The following TRPC5 variants were observed in gnomAD, a reference collection of about 807,000 sequenced individuals.
TRPC5 encodes short transient receptor potential channel 5.
TRPC5 carries 9 observed loss-of-function variants against 56.5 expected under a neutral mutation model. The observed-to-expected ratio is 0.16, with a 90% confidence interval of 0.10 to 0.28. TRPC5 has a LOEUF of 0.28. Ranked by LOEUF, TRPC5 falls within the 10% of genes least tolerant of loss-of-function variation. The probability of loss-of-function intolerance (pLI) is 1.00; values close to 1 mark genes in which losing one functional copy is unlikely to be tolerated. For synonymous variants in TRPC5, 282 were observed against 278.5 expected (o/e 1.01, Z -0.13); for missense variants, 469 against 748.9 (o/e 0.63, Z 4.36).
At chrX:111,813,667 A>G (rs1921777642) in intron 7 of TRPC5, among the ~76,000 whole-genome samples, 1 of 112,532 alleles carries the variant, frequency 8.9e-6, no homozygotes, top group Non-Finnish European at 1.9e-5. Flanking sequence ...CAAACACAGC[A>G]AAAGCAGAGC....
chrX:112,010,463 T>A (rs1363721662), intron 1 of TRPC5, among the ~76,000 whole-genome samples: 1 of 111,567 alleles, frequency 9.0e-6, no homozygotes, highest in African/African-American at 3.3e-5. Flanking sequence ...AACATCATAG[T>A]GTGTACTCAT....
intron 1 of TRPC5, among the ~76,000 whole-genome samples, chrX:112,026,132 A>C (rs1929406914): frequency 9.1e-6 from 1 of 110,021 alleles, no homozygotes; most frequent in Non-Finnish European, 1.9e-5. Context: ...CCTCCTTCCA[A>C]CTCTTGAAAC....
chrX:111,928,493 C>T (rs1284696024), intron 2 of TRPC5, among the ~76,000 whole-genome samples: 1 of 112,436 alleles, frequency 8.9e-6, no homozygotes, highest in Non-Finnish European at 1.9e-5. Flanking sequence ...TAATTTCTCT[C>T]TCTCTGATAT....
At chrX:112,049,532 A>T (rs778983355) in intron 1 of TRPC5, among the ~76,000 whole-genome samples, 2 of 106,705 alleles carry the variant, frequency 1.9e-5, no homozygotes, top group South Asian at 3.9e-4. Context: ...TTATATATTT[A>T]ATATATATAT....
At chrX:111,904,082 A>G (rs1449959402) in intron 3 of TRPC5, 2 of 112,107 alleles carry the variant, frequency 1.8e-5, no homozygotes, top group Non-Finnish European at 3.8e-5. Context: ...GCAGAGCATA[A>G]TAAGAGAGAA....
chrX:112,061,205 G>C (rs1159231193), intron 1 of TRPC5, among the ~76,000 whole-genome samples: 1 of 112,055 alleles, frequency 8.9e-6, no homozygotes, highest in Non-Finnish European at 1.9e-5. Flanking sequence ...GATCCATTTT[G>C]ATCAAATCTG....
chrX:111,792,562 G>A lies in TRPC5; in HGVS notation c.1897-10424C>T, dbSNP rs1035153723. Among the ~76,000 whole-genome samples the A allele has an allele frequency of 4.5e-5, 5 of 111,972 alleles. No individual in the cohort carries two copies. The Admixed American group carries it at 4.7e-4, about 11-fold the overall frequency. ...ATGCTGTATCCCCAAGAGAATACCTGGGAGAGGAATCCATGGTGTGGGAGC... is the reference window on the plus strand; with the variant it reads ...ATGCTGTATCCCCAAGAGAATACCTAGGAGAGGAATCCATGGTGTGGGAGC... On this transcript the variant is annotated intron_variant, in intron 7 of 10. Transcript: ENST00000262839.
At chrX:111,846,371 T>C (rs1253384645) in intron 6 of TRPC5, among the ~76,000 whole-genome samples, 1 of 111,770 alleles carries the variant, frequency 8.9e-6, no homozygotes, top group Non-Finnish European at 1.9e-5. Flanking sequence ...TGTTTTCTCT[T>C]GTCTATTTCC....
chrX:112,073,468 C>T (rs1213370885), intron 1 of TRPC5, among the ~76,000 whole-genome samples: 1 of 110,092 alleles, frequency 9.1e-6, no homozygotes, highest in Non-Finnish European at 1.9e-5. Flanking sequence ...CGGGGTTTCA[C>T]CATGTTGGTC....
intron 6 of TRPC5, among the ~76,000 whole-genome samples, chrX:111,837,038 T>C (rs1238104107): frequency 8.9e-6 from 1 of 112,735 alleles, no homozygotes; most frequent in Non-Finnish European, 1.9e-5. Flanking sequence ...CTTTTCAGCA[T>C]CACGCTGCTA....
At chrX:111,863,399 C>T (rs1160725885) in intron 3 of TRPC5, among the ~76,000 whole-genome samples, 18 of 111,683 alleles carry the variant, frequency 1.6e-4, no homozygotes, top group African/African-American at 4.9e-4. Flanking sequence ...AGTATGGGAG[C>T]TCAGTCCAAA....
intron 6 of TRPC5, among the ~76,000 whole-genome samples, chrX:111,842,515 A>G (rs905985642): frequency 2.7e-5 from 3 of 112,064 alleles, no homozygotes; most frequent in Non-Finnish European, 5.6e-5. Flanking sequence ...CTTCATGTGT[A>G]TCATTTTAAT....
At chrX:112,051,561 AT>A (rs1298509794) in intron 1 of TRPC5, among the ~76,000 whole-genome samples, 2 of 112,060 alleles carry the variant, frequency 1.8e-5, no homozygotes, top group South Asian at 7.4e-4. Flanking sequence ...GAAAAAAAAA[AT>A]GTCTTCTGCA....
chrX:111,915,917 G>A (rs1300824694), intron 2 of TRPC5, among the ~76,000 whole-genome samples: 7 of 111,080 alleles, frequency 6.3e-5, no homozygotes, highest in Non-Finnish European at 1.3e-4. Context: ...ACCAGCCTGG[G>A]CAACATAGTG....
chrX:111,791,262 C>T (rs1198930947), intron 7 of TRPC5, among the ~76,000 whole-genome samples: 2 of 110,465 alleles, frequency 1.8e-5, no homozygotes, highest in East Asian at 2.9e-4. Context: ...TGACTCAGCC[C>T]GTTGATGTCA....
At chrX:111,811,677 A>G (rs1386754961) in intron 7 of TRPC5, among the ~76,000 whole-genome samples, 4 of 111,413 alleles carry the variant, frequency 3.6e-5, no homozygotes, top group Non-Finnish European at 3.8e-5. Context: ...CAGTAAATTC[A>G]AGTCTTTGAG....
intron 1 of TRPC5, among the ~76,000 whole-genome samples, chrX:111,969,469 G>T (rs1248108598): frequency 9.0e-6 from 1 of 111,668 alleles, no homozygotes; most frequent in East Asian, 2.8e-4. Flanking sequence ...AATTTTACCT[G>T]CTATTTTTTT....
At chrX:112,056,827 G>A (rs1299646938) in intron 1 of TRPC5, among the ~76,000 whole-genome samples, 1 of 112,325 alleles carries the variant, frequency 8.9e-6, no homozygotes, top group Non-Finnish European at 1.9e-5. Context: ...TAGCGGCATA[G>A]GCAGCATTTA....
rs1050640184 is a variant in TRPC5, at chrX:111,905,446, C to G, written c.900+6845G>C. ...CCTGAAGTTAGTTATTTGTGAATTA[C>G]TTGTATTGATAAATAAAACTGTCAG... On this transcript the variant is annotated intron_variant, in intron 3 of 10. Transcript: ENST00000262839. Among the ~76,000 whole-genome samples, 13 of 112,014 alleles carry G rather than the reference C, an allele frequency of 1.2e-4. No individual in the cohort carries two copies. In the East Asian group the frequency reaches 3.6e-3, roughly 31 times the overall value.
Sources: gnomAD v4.1 joint callset for allele counts (sites outside exome capture counted in the v4.1 genomes callset) on GRCh38, gnomAD v4.1.1 for gene constraint, MANE v1.5 for transcripts, NCBI Gene and HGNC (gene_info 2026-07-23, HGNC 2026-07-21) for gene names.